EPHA4: variants seen among roughly 807,000 people sequenced by gnomAD.
The protein encoded by EPHA4 is EPH receptor A4.
EPHA4 carries 19 observed loss-of-function variants against 108.3 expected under a neutral mutation model. The ratio of observed to expected loss-of-function variants is 0.18; its 90% CI spans 0.12 to 0.26. EPHA4 has a LOEUF of 0.26. Ranked by LOEUF, EPHA4 falls within the 10% of genes least tolerant of loss-of-function variation. The probability of loss-of-function intolerance (pLI) is 1.00; values close to 1 mark genes in which losing one functional copy is unlikely to be tolerated. For synonymous variants in EPHA4, 449 were observed against 455.5 expected, an observed-to-expected ratio of 0.99 and a Z score of 0.18; for missense variants, 917 against 1,254.0, an observed-to-expected ratio of 0.73 and a Z score of 4.06.
At chr2:221,522,944 G>T (rs1693214758) in intron 3 of EPHA4, among the ~76,000 whole-genome samples, 1 of 151,788 alleles carries the variant, frequency 6.6e-6, no homozygotes, top group African/African-American at 2.4e-5. Context: ...TTTTGACGGG[G>T]TTTCACCATG....
intron 8 of EPHA4, among the ~76,000 whole-genome samples, chr2:221,447,268 A>G (rs572647924): frequency 6.6e-6 from 1 of 152,312 alleles, no homozygotes; most frequent in African/African-American, 2.4e-5. Flanking sequence ...TTAGAGCTTC[A>G]AAGACAAGGT....
chr2:221,546,829 G>C (rs943436618), intron 3 of EPHA4, among the ~76,000 whole-genome samples: 2 of 152,148 alleles, frequency 1.3e-5, no homozygotes, highest in Non-Finnish European at 2.9e-5. Flanking sequence ...TTTCATATGT[G>C]AAATACTTGT....
intron 5 of EPHA4, among the ~76,000 whole-genome samples, chr2:221,458,950 C>T (rs1003436506): frequency 6.6e-6 from 1 of 152,112 alleles, no homozygotes; most frequent in South Asian, 2.1e-4. Flanking sequence ...TTCTTTTATT[C>T]CCAAACTGGG....
At chr2:221,518,886 A>C (rs1322004681) in intron 3 of EPHA4, among the ~76,000 whole-genome samples, 1 of 152,186 alleles carries the variant, frequency 6.6e-6, no homozygotes, top group South Asian at 2.1e-4. Flanking sequence ...GCTTGGGAGC[A>C]CTTGTCTCCC....
chr2:221,505,016 C>T (rs1692588507), intron 3 of EPHA4, among the ~76,000 whole-genome samples: 1 of 152,184 alleles, frequency 6.6e-6, no homozygotes, highest in African/African-American at 2.4e-5. Flanking sequence ...AGCCCATCCT[C>T]TTGCTGCCTT....
At chr2:221,472,656 A>T (rs1691525133) in intron 5 of EPHA4, among the ~76,000 whole-genome samples, 1 of 152,202 alleles carries the variant, frequency 6.6e-6, no homozygotes, top group Admixed American at 6.5e-5. Context: ...AAAATTGTGT[A>T]CTGGAAGATA....
At position 221,446,162 on chromosome 2, in the gene EPHA4, C is replaced by T; in HGVS notation, c.1735G>A (p.Ala579Thr). The T allele has an allele frequency of 1.3e-6, 2 of 1,547,444 alleles. No individual in the cohort carries two copies. The highest frequency in any genetic ancestry group is 1.7e-6 in the Non-Finnish European group (2 of 1,149,472). ...ISRRRSKYSK[A>T]KQEADEEKHL... ...TTCTCTTCATCCGCTTCTTGTTTGGCTTTACTGTATTTACTCCGTCTATTA... is the reference window on the plus strand; with the variant it reads ...TTCTCTTCATCCGCTTCTTGTTTGGTTTTACTGTATTTACTCCGTCTATTA... Residue 579 changes from alanine (A) to threonine (T), a missense_variant, in exon 9 of 18, where the codon GCC (alanine) becomes ACC (threonine). Ala to Thr is a moderately conservative substitution (Grantham distance 58, BLOSUM62 0). Around this residue, in one of 3 missense-constraint regions of EPHA4, gnomAD observed 758 missense variants for 1,076.7 expected, o/e 0.70. Coordinates refer to ENST00000281821, the MANE Select transcript of EPHA4 (RefSeq NM_004438.5).
intron 5 of EPHA4, among the ~76,000 whole-genome samples, chr2:221,478,172 C>T (rs3770149): frequency 0.51 from 77,923 of 151,620 alleles, 20,358 homozygotes; most frequent in Non-Finnish European, 0.56. Context: ...GGCAAAAAAC[C>T]GTTCAGAGAT....
At chr2:221,481,177 C>A (rs753767462) in intron 5 of EPHA4, among the ~76,000 whole-genome samples, 22 of 152,216 alleles carry the variant, frequency 1.4e-4, no homozygotes, top group Middle Eastern at 3.4e-3. Flanking sequence ...AGCCTAGAAA[C>A]CTAGATTTTC....
chr2:221,571,420 C>A lies in EPHA4; in HGVS notation c.91+738G>T, dbSNP rs771876446. On this transcript the variant is annotated intron_variant, in intron 1 of 17. Coordinates refer to ENST00000281821, the MANE Select transcript of EPHA4 (RefSeq NM_004438.5). The surrounding 1 kb of genome is among the most constrained non-coding windows in gnomAD (Gnocchi z 6.3). The stretch of plus-strand genomic sequence containing the variant: ...GAAAACTGAGCACCCAGACGGGTCC[C>A]GTCGACCCCGCACGTTAGCTCTAAA... Among the ~76,000 whole-genome samples the A allele has an allele frequency of 2.6e-5, 4 of 152,176 alleles. No homozygotes were observed. Among genetic ancestry groups the A allele is most frequent in the Non-Finnish European group, 2.9e-5 (2 of 67,998 alleles).
chr2:221,448,669 G>A (rs1344292047), intron 8 of EPHA4, among the ~76,000 whole-genome samples: 1 of 152,142 alleles, frequency 6.6e-6, no homozygotes, highest in Non-Finnish European at 1.5e-5. Flanking sequence ...ATAGGGTCCT[G>A]CCAGCCTGAA....
intron 5 of EPHA4, among the ~76,000 whole-genome samples, chr2:221,470,176 T>A (rs1313501561): frequency 6.6e-6 from 1 of 152,100 alleles, no homozygotes; most frequent in Non-Finnish European, 1.5e-5. Flanking sequence ...GTGGTAAAAA[T>A]TCAGTTGTAA....
chr2:221,454,897 G>A (rs992202665), intron 8 of EPHA4, among the ~76,000 whole-genome samples: 12 of 152,132 alleles, frequency 7.9e-5, no homozygotes, highest in Admixed American at 3.3e-4. Flanking sequence ...TGCCATGCCC[G>A]AGATTTGCTC....
rs539242641 is a variant in EPHA4, at chr2:221,562,537, A to G, written c.823+1194T>C. Among the ~76,000 whole-genome samples the G allele has an allele frequency of 3.9e-5, 6 of 152,316 alleles. No homozygotes were observed. The East Asian group carries it at 1.2e-3, about 29-fold the overall frequency. On this transcript the variant is annotated intron_variant, in intron 3 of 17. Transcript: ENST00000281821. ...GGCAGTCAGTTAATTCAGGCCCTTTAACCACCAAATCAGATGAACCATGTG... is the reference window on the plus strand; with the variant it reads ...GGCAGTCAGTTAATTCAGGCCCTTTGACCACCAAATCAGATGAACCATGTG...
Position 221,418,991 on chromosome 2 carries a change from T to C in EPHA4, c.*2381A>G, listed in dbSNP as rs1689668257. 1 of 152,666 alleles carries C rather than the reference T, an allele frequency of 6.6e-6. No homozygotes were observed. The highest frequency in any genetic ancestry group is 1.5e-5 in the Non-Finnish European group (1 of 68,044). The allele number at this position is 152,666 out of a possible 1,614,324, so 9.5% of individuals were successfully genotyped here. A position where few individuals can be genotyped will look rare whatever the true frequency, so the allele number is the denominator to read the frequency against. ...CAATGCCACACACCCTGTCAGAATGTAATAAATATTTATTGATGATTTTCT... is the reference window on the plus strand; with the variant it reads ...CAATGCCACACACCCTGTCAGAATGCAATAAATATTTATTGATGATTTTCT... On this transcript the variant is annotated 3_prime_UTR_variant, in exon 18 of 18. Coordinates refer to ENST00000281821, the MANE Select transcript of EPHA4 (RefSeq NM_004438.5).
In EPHA4 at chr2:221,449,144, A is replaced by G. The variant is rs544274511; in HGVS notation, c.1716-2963T>C. Reference sequence around the variant, plus strand: ...AAATGGCTGAAAAAAAACCACAAGGATTACTGTTGAAAGGCTAATAGTAGT... The same window carrying G: ...AAATGGCTGAAAAAAAACCACAAGGGTTACTGTTGAAAGGCTAATAGTAGT... On this transcript the variant is annotated intron_variant, in intron 8 of 17. Coordinates refer to ENST00000281821, the MANE Select transcript of EPHA4 (RefSeq NM_004438.5). 3.9e-5 allele frequency among the ~76,000 whole-genome samples: 6 copies of G among 152,232 alleles called. No individual in the cohort carries two copies. In the East Asian group the frequency reaches 1.2e-3, roughly 29 times the overall value.
intron 3 of EPHA4, among the ~76,000 whole-genome samples, chr2:221,557,445 C>T (rs1313220567): frequency 6.6e-6 from 1 of 152,216 alleles, no homozygotes; most frequent in Non-Finnish European, 1.5e-5. Flanking sequence ...ATTCTAGGCA[C>T]TGTGCCAGGC....
At chr2:221,514,671 G>T (rs1338259054) in intron 3 of EPHA4, among the ~76,000 whole-genome samples, 1 of 152,058 alleles carries the variant, frequency 6.6e-6, no homozygotes, top group Non-Finnish European at 1.5e-5. Flanking sequence ...AATCACAAAT[G>T]GCATGCAGGA....
chr2:221,535,063 A>C (rs73994284), intron 3 of EPHA4, among the ~76,000 whole-genome samples: 1,923 of 152,334 alleles, frequency 0.013, 39 homozygotes, highest in African/African-American at 0.043. Flanking sequence ...AGTTAAAAAG[A>C]AATAAGCAGC....
Sources: allele counts gnomAD v4.1 joint callset (sites outside exome capture counted in the v4.1 genomes callset), GRCh38; gene constraint gnomAD v4.1.1; regional missense constraint gnomAD v4.1.1; non-coding constraint Gnocchi (gnomAD v3.1); transcripts MANE v1.5; gene names NCBI Gene and HGNC (gene_info 2026-07-23, HGNC 2026-07-21).